Variants in SASH1 observed in about 807,000 individuals in gnomAD.
SASH1 encodes the protein SAM and SH3 domain containing 1.
A neutral mutation model predicts 125.2 loss-of-function variants in SASH1; 44 were observed. The observed-to-expected ratio is 0.35, with a 90% CI of 0.28 to 0.45. The LOEUF is 0.45. Among genes scored for constraint, SASH1 ranks in the 20% least tolerant of loss-of-function variants. SASH1 has a pLI of 1.00. For synonymous variants in SASH1, 639 were observed against 649.1 expected (o/e 0.98, Z 0.24); for missense variants, 1,426 against 1,614.5 (o/e 0.88, Z 2.00).
the SASH1 span, among the ~76,000 whole-genome samples, chr6:148,263,432 C>G: frequency 5.9e-5 from 9 of 152,186 alleles, no homozygotes; most frequent in African/African-American, 2.2e-4. Flanking sequence ...AGAACACCAC[C>G]TTGAGTTCAG....
the SASH1 span, among the ~76,000 whole-genome samples, chr6:148,236,508 G>A: frequency 0.17 from 26,027 of 151,970 alleles, 2,439 homozygotes; most frequent in East Asian, 0.31. Context: ...CACCACACCC[G>A]GCCTCACACA....
intron 1 of SASH1, among the ~76,000 whole-genome samples, chr6:148,355,579 A>G (rs944248914): frequency 1.3e-5 from 2 of 152,248 alleles, no homozygotes; most frequent in African/African-American, 4.8e-5. Flanking sequence ...TTTTGTATCA[A>G]GAACTCTTTG....
intron 1 of SASH1, among the ~76,000 whole-genome samples, chr6:148,291,156 G>C (rs929113843): frequency 1.3e-5 from 2 of 152,046 alleles, no homozygotes; most frequent in Non-Finnish European, 2.9e-5. Flanking sequence ...ATGGCCACAA[G>C]TGGCAAAATC....
the SASH1 span, among the ~76,000 whole-genome samples, chr6:148,206,828 CACAA>C: frequency 2.0e-5 from 3 of 151,362 alleles, no homozygotes; most frequent in African/African-American, 4.8e-5. Flanking sequence ...CACACACACA[CACAA>C]ATTAACATAA....
intron 1 of SASH1, among the ~76,000 whole-genome samples, chr6:148,344,375 C>A (rs948126485): frequency 1.3e-5 from 2 of 152,152 alleles, no homozygotes; most frequent in Non-Finnish European, 2.9e-5. Context: ...ATAAGTGTAG[C>A]TGTCTTTCAG....
At chr6:148,523,017 G>T (rs1439885626) in intron 10 of SASH1, among the ~76,000 whole-genome samples, 1 of 152,214 alleles carries the variant, frequency 6.6e-6, no homozygotes, top group Admixed American at 6.5e-5. Context: ...TGGTAGTTAA[G>T]AAAACTGGTC....
intron 1 of SASH1, among the ~76,000 whole-genome samples, chr6:148,368,142 T>C (rs1782547049): frequency 6.6e-6 from 1 of 152,216 alleles, no homozygotes; most frequent in Non-Finnish European, 1.5e-5. Context: ...AGTAGATGGC[T>C]TTATAGTTTA....
intron 2 of SASH1, among the ~76,000 whole-genome samples, chr6:148,402,308 T>C (rs1784201333): frequency 1.3e-5 from 2 of 152,052 alleles, no homozygotes; most frequent in Non-Finnish European, 2.9e-5. Context: ...CAAAAATGAC[T>C]TTTTGTTTGT....
Position 148,393,220 on chromosome 6 carries a change from A to AT in SASH1, c.285+2977dup, listed in dbSNP as rs11368072. 7.8e-3 allele frequency among the ~76,000 whole-genome samples: 992 copies of AT among 126,906 alleles called. 18 individuals are homozygous for AT. The highest frequency in any genetic ancestry group is 0.015 in the African/African-American group (493 of 33,926). The allele number at this position is 126,906 out of a possible 152,430, so 83.3% of individuals were successfully genotyped here. On this transcript the variant is annotated intron_variant, in intron 2 of 19. Coordinates refer to ENST00000367467, the MANE Select transcript of SASH1 (RefSeq NM_015278.5). The stretch of plus-strand genomic sequence containing the variant: ...CACCACCATGCCCGGCTAATTTTGT[A>AT]TTTTTTTTTTTTTTTTTTTAGCAGA...
chr6:148,348,525 T>A (rs1016750350), intron 1 of SASH1, among the ~76,000 whole-genome samples: 1 of 152,180 alleles, frequency 6.6e-6, no homozygotes, highest in African/African-American at 2.4e-5. Flanking sequence ...GCAGTGCTCC[T>A]GTGTAGAGTC....
intron 2 of SASH1, among the ~76,000 whole-genome samples, chr6:148,393,040 A>G (rs146779190): frequency 0.02 from 2,322 of 116,370 alleles, 33 homozygotes; most frequent in Middle Eastern, 0.067. Flanking sequence ...TGAATGTTTC[A>G]ATTTTTTTTT....
chr6:148,412,905 G>A (rs1784683526), intron 2 of SASH1, among the ~76,000 whole-genome samples: 1 of 152,194 alleles, frequency 6.6e-6, no homozygotes, highest in South Asian at 2.1e-4. Context: ...GTTCCTTAAA[G>A]CAGCTCAGTG....
rs116526410 is a variant in SASH1, at chr6:148,380,569, G to A, written c.157-9565G>A. Reference sequence around the variant, plus strand: ...CAAATCTGTGATTCTGTTAAGCTCAGGGCAGATTAAAAATGGAAAATGAGT... The same window carrying A: ...CAAATCTGTGATTCTGTTAAGCTCAAGGCAGATTAAAAATGGAAAATGAGT... On this transcript the variant is annotated intron_variant, in intron 1 of 19. Transcript: ENST00000367467. Among the ~76,000 whole-genome samples, 1,253 of 152,278 alleles carry A rather than the reference G, an allele frequency of 8.2e-3. 17 individuals carry two copies. Among genetic ancestry groups the A allele is most frequent in the African/African-American group, 0.025 (1,035 of 41,560 alleles).
intron 4 of SASH1, among the ~76,000 whole-genome samples, chr6:148,458,828 A>T (rs1050548934): frequency 6.6e-6 from 1 of 152,100 alleles, no homozygotes; most frequent in Non-Finnish European, 1.5e-5. Context: ...TTAGTCGGGC[A>T]TGATGGCATG....
At chr6:148,380,064 T>G in intron 1 of SASH1, 1 of 442,268 alleles carries the variant, frequency 2.3e-6, no homozygotes, top group South Asian at 1.6e-5. Context: ...AAGAAACAGT[T>G]GCTTCAACCT....
intron 5 of SASH1, chr6:148,469,148 T>G (rs1378877708): frequency 6.6e-6 from 1 of 152,364 alleles, no homozygotes; most frequent in Non-Finnish European, 1.5e-5. Flanking sequence ...TGATAGTGAT[T>G]AGGAACATTA....
At chr6:148,466,888 A>T (rs1420062642) in intron 4 of SASH1, among the ~76,000 whole-genome samples, 1 of 151,770 alleles carries the variant, frequency 6.6e-6, no homozygotes, top group African/African-American at 2.4e-5. Context: ...TGCAAAAATC[A>T]CCTCTTCCAT....
Position 148,343,110 on chromosome 6 carries a change from C to CCCGAGG in SASH1, c.48_49insGCCGAG (p.Glu16_Pro17insAlaGlu), listed in dbSNP as rs1372759414. The CCCGAGG allele has an allele frequency of 6.3e-7, 1 of 1,581,470 alleles. No homozygotes were observed. The highest frequency in any genetic ancestry group is 8.5e-7 in the Non-Finnish European group (1 of 1,170,982). ...AGCTGGCCCGGGGCCGGAGCCTGAGCCCGAGCCCGAGCCGGAGCCCGAGCC... is the reference window on the plus strand; with the variant it reads ...AGCTGGCCCGGGGCCGGAGCCTGAGCCCGAGGCCGAGCCCGAGCCGGAGCCCGAGCC... On this transcript the variant is annotated inframe_insertion, in exon 1 of 20. Transcript: ENST00000367467.
At chr6:148,506,790 C>T (rs918534763) in intron 8 of SASH1, among the ~76,000 whole-genome samples, 9 of 152,128 alleles carry the variant, frequency 5.9e-5, no homozygotes, top group Non-Finnish European at 1.0e-4. Flanking sequence ...TGTCTACACT[C>T]AGTTTTAAGG....
Sources: allele counts gnomAD v4.1 joint callset (sites outside exome capture counted in the v4.1 genomes callset), GRCh38; gene constraint gnomAD v4.1.1; transcripts MANE v1.5; gene names NCBI Gene and HGNC (gene_info 2026-07-23, HGNC 2026-07-21).